Variants in DCAF1 observed in about 807,000 individuals in gnomAD.
DCAF1 encodes the protein DDB1 and CUL4 associated factor 1.
Under a neutral mutation model 128.0 loss-of-function variants are expected in DCAF1, and 15 were observed. The ratio of observed to expected loss-of-function variants is 0.12; its 90% CI spans 0.08 to 0.18. DCAF1 has a LOEUF of 0.18. Among genes scored for constraint, DCAF1 ranks in the 10% least tolerant of loss-of-function variants. The probability of loss-of-function intolerance (pLI) is 1.00; values close to 1 mark genes in which losing one functional copy is unlikely to be tolerated. For synonymous variants in DCAF1, 610 were observed against 603.0 expected (o/e 1.01, Z -0.17); for missense variants, 988 against 1,649.5 (o/e 0.60, Z 6.95).
chr3:51,435,950 G>GA (rs1700788015), intron 9 of DCAF1, among the ~76,000 whole-genome samples: 1 of 152,174 alleles, frequency 6.6e-6, no homozygotes, highest in Non-Finnish European at 1.5e-5. Context: ...AAAAAGCAAG[G>GA]AGAGTGTTGT....
intron 6 of DCAF1, among the ~76,000 whole-genome samples, chr3:51,447,238 C>T (rs950607194): frequency 2.0e-5 from 3 of 151,442 alleles, no homozygotes; most frequent in Admixed American, 6.6e-5. Context: ...GGTGAAACCC[C>T]GTCTCTACTA....
At chr3:51,448,875 GTCTTC>G (rs1702110382) in intron 6 of DCAF1, among the ~76,000 whole-genome samples, 1 of 151,792 alleles carries the variant, frequency 6.6e-6, no homozygotes, top group Non-Finnish European at 1.5e-5. Context: ...AGATTACACA[GTCTTC>G]TCAAGTACAC....
At chr3:51,488,054 G>A (rs1553656250) in intron 2 of DCAF1, among the ~76,000 whole-genome samples, 2 of 151,352 alleles carry the variant, frequency 1.3e-5, no homozygotes, top group African/African-American at 4.9e-5. Flanking sequence ...TAGTAGAGAC[G>A]GGGTTTCACC....
At chr3:51,499,487 C>T (rs1708605215) in intron 1 of DCAF1, among the ~76,000 whole-genome samples, 1 of 152,106 alleles carries the variant, frequency 6.6e-6, no homozygotes, top group Non-Finnish European at 1.5e-5. Flanking sequence ...GAAGATGGAG[C>T]CCCGCAAGCC....
intron 3 of DCAF1, among the ~76,000 whole-genome samples, chr3:51,473,957 C>G (rs1441163571): frequency 6.6e-6 from 1 of 151,754 alleles, no homozygotes; most frequent in African/African-American, 2.4e-5. Context: ...GCATGTGCCA[C>G]CACGCCCAGC....
At chr3:51,428,870 G>A (rs1248902626) in intron 12 of DCAF1, among the ~76,000 whole-genome samples, 1 of 151,994 alleles carries the variant, frequency 6.6e-6, no homozygotes, top group Non-Finnish European at 1.5e-5. Flanking sequence ...GGTGGTGTGT[G>A]CCTATAGTCC....
intron 10 of DCAF1, 93 bp downstream of exon 10, chr3:51,433,013 T>C (rs913304386): frequency 1.9e-4 from 75 of 397,342 alleles, no homozygotes; most frequent in African/African-American, 1.4e-3. Context: ...CTACTGTTTT[T>C]TTCTTATCCA....
intron 3 of DCAF1, among the ~76,000 whole-genome samples, chr3:51,480,483 C>T (rs935207844): frequency 1.3e-5 from 2 of 150,956 alleles, no homozygotes; most frequent in Non-Finnish European, 2.9e-5. Flanking sequence ...CCTGTAATCC[C>T]AGCTACTCGG....
chr3:51,443,891 C>T lies in DCAF1; in HGVS notation c.388G>A (p.Glu130Lys). Reference protein sequence around the residue: ...VVFQEKEGIVENLFKWAREAD... With the variant: ...VVFQEKEGIVKNLFKWAREAD... Reference sequence around the variant, plus strand: ...TCTCGGGCCCATTTGAAAAGATTCTCGACAATTCCCTCCTATAGTAAAGGA... The same window carrying T: ...TCTCGGGCCCATTTGAAAAGATTCTTGACAATTCCCTCCTATAGTAAAGGA... The change falls in exon 7 of 25, where the codon GAG becomes AAG. Residue 130 changes from glutamate (E) to lysine (K), a missense_variant. Physicochemically the swap from Glu to Lys is moderately conservative, Grantham distance 56. Coordinates refer to ENST00000684031, the MANE Select transcript of DCAF1 (RefSeq NM_001387579.1). 8.7e-6 allele frequency: 14 copies of T among 1,602,374 alleles called. No individual in the cohort carries two copies. The highest frequency in any genetic ancestry group is 1.2e-5 in the Non-Finnish European group (14 of 1,176,910).
chr3:51,399,039 C>T (rs181061491), intron 24 of DCAF1, among the ~76,000 whole-genome samples: 5 of 152,374 alleles, frequency 3.3e-5, no homozygotes, highest in African/African-American at 1.2e-4. Flanking sequence ...ACCTTTTGCT[C>T]TCCTAAGGGC....
At chr3:51,455,546 C>T (rs1553642619) in intron 6 of DCAF1, among the ~76,000 whole-genome samples, 1 of 152,078 alleles carries the variant, frequency 6.6e-6, no homozygotes, top group African/African-American at 2.4e-5. Flanking sequence ...GTCAAGGCTG[C>T]AGTGAGCCAT....
intron 6 of DCAF1, among the ~76,000 whole-genome samples, chr3:51,445,143 AT>A (rs1160179122): frequency 2.0e-5 from 3 of 152,124 alleles, no homozygotes; most frequent in East Asian, 1.9e-4. Flanking sequence ...AATACATTAA[AT>A]TTTTTTTACC....
chr3:51,493,405 A>G (rs782601545), intron 2 of DCAF1, among the ~76,000 whole-genome samples: 1 of 152,016 alleles, frequency 6.6e-6, no homozygotes, highest in Non-Finnish European at 1.5e-5. Context: ...AGATTACGCC[A>G]TTGCACTCCA....
intron 3 of DCAF1, among the ~76,000 whole-genome samples, chr3:51,475,089 C>T (rs1553649962): frequency 1.3e-5 from 2 of 151,752 alleles, no homozygotes; most frequent in Non-Finnish European, 2.9e-5. Flanking sequence ...AGCCTTATAC[C>T]TGGCTATTTT....
At chr3:51,405,197 C>T (rs1279764519) in intron 23 of DCAF1, among the ~76,000 whole-genome samples, 9 of 152,154 alleles carry the variant, frequency 5.9e-5, no homozygotes, top group Non-Finnish European at 8.8e-5. Context: ...TAAAGGTCCA[C>T]GGTTGAGTGT....
chr3:51,479,345 T>C (rs550953183), intron 3 of DCAF1, among the ~76,000 whole-genome samples: 1 of 151,080 alleles, frequency 6.6e-6, no homozygotes, highest in East Asian at 2.0e-4. Flanking sequence ...CTACTAAAAA[T>C]ACAAAAAATT....
rs377582893 is a variant in DCAF1, at chr3:51,407,969, G to A, written c.4212+4410C>T. ...CACTGCGCTCCAGCCTGGGTGACAGGGCGAGACTCCATCTCAAAAAAAAAA... is the reference window on the plus strand; with the variant it reads ...CACTGCGCTCCAGCCTGGGTGACAGAGCGAGACTCCATCTCAAAAAAAAAA... On this transcript the variant is annotated intron_variant, in intron 23 of 24. Coordinates refer to ENST00000684031, the MANE Select transcript of DCAF1 (RefSeq NM_001387579.1). Among the ~76,000 whole-genome samples, 243 of 118,066 alleles carry A rather than the reference G, an allele frequency of 2.1e-3. 3 individuals carry two copies. The highest frequency in any genetic ancestry group is 7.1e-3 in the African/African-American group (216 of 30,578). 77.5% of individuals were successfully genotyped at this position (118,066 alleles called of 152,430 possible). A position where few individuals can be genotyped will look rare whatever the true frequency, so the allele number is the denominator to read the frequency against.
At chr3:51,451,677 C>G (rs542123416) in intron 6 of DCAF1, among the ~76,000 whole-genome samples, 63 of 151,346 alleles carry the variant, frequency 4.2e-4, no homozygotes, top group Middle Eastern at 3.4e-3. Context: ...CAGGAGACTC[C>G]CTTGAACCTG....
intron 10 of DCAF1, among the ~76,000 whole-genome samples, chr3:51,432,243 C>G (rs1197867263): frequency 7.2e-6 from 1 of 138,274 alleles, no homozygotes; most frequent in African/African-American, 2.7e-5. Context: ...TGCACTCCAA[C>G]CTGGGAGACA....
Sources: gnomAD v4.1 joint callset for allele counts (sites outside exome capture counted in the v4.1 genomes callset) on GRCh38, gnomAD v4.1.1 for gene constraint, MANE v1.5 for transcripts, NCBI Gene and HGNC (gene_info 2026-07-23, HGNC 2026-07-21) for gene names.